The following NUAK1 variants were observed in gnomAD, a reference collection of about 807,000 sequenced individuals.
NUAK1 encodes NUAK family SNF1-like kinase 1.
In NUAK1, 26 loss-of-function variants were observed where a neutral mutation model predicts 56.9. The observed-to-expected ratio is 0.46, with a 90% CI of 0.33 to 0.63. The LOEUF is 0.63. Among genes scored for constraint, NUAK1 ranks in the 30% least tolerant of loss-of-function variants. NUAK1 has a pLI of 0.02. For synonymous variants in NUAK1, 337 were observed against 336.0 expected (o/e 1.00, Z -0.03); for missense variants, 727 against 876.1 (o/e 0.83, Z 2.15).
intron 2 of NUAK1, among the ~76,000 whole-genome samples, chr12:106,102,368 A>G (rs1301478208): frequency 6.6e-6 from 1 of 152,218 alleles, no homozygotes; most frequent in Admixed American, 6.5e-5. Context: ...ATGAAGATGA[A>G]AATGTTCTGC....
intron 4 of NUAK1, among the ~76,000 whole-genome samples, chr12:106,081,509 T>C (rs767634920): frequency 3.7e-4 from 56 of 152,240 alleles, no homozygotes; most frequent in Middle Eastern, 3.4e-3. Flanking sequence ...TTGATAATAC[T>C]GCTTTGTGTG....
intron 1 of NUAK1, among the ~76,000 whole-genome samples, chr12:106,107,503 C>T (rs1378965020): frequency 6.6e-6 from 1 of 152,188 alleles, no homozygotes; most frequent in Non-Finnish European, 1.5e-5. Context: ...CCCTTCCAGG[C>T]TGGTCCTCTT....
At chr12:106,098,617 T>C (rs1172586662) in intron 2 of NUAK1, among the ~76,000 whole-genome samples, 1 of 152,018 alleles carries the variant, frequency 6.6e-6, no homozygotes, top group African/African-American at 2.4e-5. Context: ...AGAGGAGAGA[T>C]TTCCAGAAAC....
At chr12:106,073,412 T>C (rs111973579) in intron 4 of NUAK1, among the ~76,000 whole-genome samples, 9 of 152,272 alleles carry the variant, frequency 5.9e-5, no homozygotes, top group African/African-American at 1.7e-4. Flanking sequence ...ACTCACAGCA[T>C]TGGGTTTTGA....
intron 4 of NUAK1, among the ~76,000 whole-genome samples, chr12:106,079,134 G>T (rs748887774): frequency 6.6e-6 from 1 of 152,204 alleles, no homozygotes; most frequent in African/African-American, 2.4e-5. Context: ...TCTGTAAAAT[G>T]ATGTAATCAC....
At chr12:106,101,734 T>C (rs1156440478) in intron 2 of NUAK1, among the ~76,000 whole-genome samples, 10 of 152,212 alleles carry the variant, frequency 6.6e-5, no homozygotes. Context: ...GAGCCTCAGT[T>C]TCCACAACTG....
chr12:106,067,377 T>C lies in NUAK1; in HGVS notation c.1411A>G (p.Thr471Ala), dbSNP rs766156436. 43 of 1,614,008 alleles carry C rather than the reference T, an allele frequency of 2.7e-5. No individual in the cohort carries two copies. The highest frequency in any genetic ancestry group is 5.3e-5 in the African/African-American group (4 of 74,884). ...TMPKKGILKK[T>A]QQRESGYYSS... is the part of the protein sequence containing the mutation. ...TAGTAACCTGATTCTCTCTGCTGGG[T>C]CTTTTTCAAGATGCCTTTCTTGGGC... Residue 471 changes from threonine to alanine, a missense_variant, in exon 7 of 7, where the codon ACC becomes GCC. Coordinates refer to ENST00000261402, the MANE Select transcript of NUAK1 (RefSeq NM_014840.3). This position sits in a 1 kb window ranked among gnomAD's most constrained non-coding sequence, Gnocchi z 6.0.
At chr12:106,073,710 C>T (rs529920778) in intron 4 of NUAK1, among the ~76,000 whole-genome samples, 26 of 152,022 alleles carry the variant, frequency 1.7e-4, no homozygotes, top group African/African-American at 4.3e-4. Flanking sequence ...CTCAGCTACT[C>T]GGGAGGCTGA....
chr12:106,101,676 C>T (rs183888242), intron 2 of NUAK1, among the ~76,000 whole-genome samples: 145 of 152,298 alleles, frequency 9.5e-4, no homozygotes, highest in Non-Finnish European at 1.7e-3. Flanking sequence ...TATTTTCTTA[C>T]GACAGCCCTA....
chr12:106,117,216 A>G (rs1448553612), intron 1 of NUAK1, among the ~76,000 whole-genome samples: 1 of 152,194 alleles, frequency 6.6e-6, no homozygotes, highest in African/African-American at 2.4e-5. Context: ...ACAACTCTAG[A>G]GCTAGCCCTG....
intron 6 of NUAK1, among the ~76,000 whole-genome samples, chr12:106,070,205 TAGG>T (rs1250432804): frequency 1.3e-5 from 2 of 152,126 alleles, no homozygotes; most frequent in Non-Finnish European, 2.9e-5. Flanking sequence ...CTTACAACTG[TAGG>T]AGAGGAAGGC....
At chr12:106,137,638 T>C (rs1029497795) in intron 1 of NUAK1, among the ~76,000 whole-genome samples, 4 of 152,238 alleles carry the variant, frequency 2.6e-5, no homozygotes, top group African/African-American at 9.6e-5. Context: ...GCCAGGACCC[T>C]GGCAGGGTGT....
Position 106,066,705 on chromosome 12 carries a change from G to A in NUAK1, c.*97C>T. On this transcript the variant is annotated 3_prime_UTR_variant, in exon 7 of 7. Transcript: ENST00000261402. ...GACAGTGCCAATCCTTTTTCAGTCT[G>A]TTGTCACAGCCAGCAAAGAGGTAAC... is the stretch of plus-strand genomic sequence containing the variant. The A allele has an allele frequency of 9.5e-7, 1 of 1,050,170 alleles. No homozygotes were observed. The highest frequency in any genetic ancestry group is 1.4e-6 in the Non-Finnish European group (1 of 716,318). The allele number at this position is 1,050,170 out of a possible 1,614,324, so 65.1% of individuals were successfully genotyped here.
At chr12:106,086,621 A>T in intron 3 of NUAK1, 113 bp downstream of exon 3, 1 of 1,022,278 alleles carries the variant, frequency 9.8e-7, no homozygotes, top group Non-Finnish European at 1.3e-6. Context: ...TCTAGTTCAT[A>T]AATTCTCCAT....
In NUAK1 at chr12:106,138,517, T is replaced by C; in HGVS notation, c.137A>G (p.His46Arg). Reference sequence around the variant, plus strand: ...GCGGTGCTTCAAGTTGTGCTTGTGGTGATGCCGCTTCACCCCGTGCGGCTT... The same window carrying C: ...GCGGTGCTTCAAGTTGTGCTTGTGGCGATGCCGCTTCACCCCGTGCGGCTT... ...PRKPHGVKRHHHKHNLKHRYE... is the reference protein window; with the variant it reads ...PRKPHGVKRHRHKHNLKHRYE... The change falls in exon 1 of 7, where the codon CAC becomes CGC. Residue 46 changes from histidine (H) to arginine (R), a missense_variant. Transcript: ENST00000261402. The surrounding 1 kb of genome is among the most constrained non-coding windows in gnomAD (Gnocchi z 5.0). 6.2e-7 allele frequency: 1 copy of C among 1,613,190 alleles called. No individual in the cohort carries two copies. Among genetic ancestry groups the C allele is most frequent in the Non-Finnish European group, 8.5e-7 (1 of 1,179,786 alleles).
At chr12:106,089,494 A>C (rs1228530139) in intron 2 of NUAK1, among the ~76,000 whole-genome samples, 1 of 152,224 alleles carries the variant, frequency 6.6e-6, no homozygotes, top group Non-Finnish European at 1.5e-5. Flanking sequence ...CTGTCTCTAC[A>C]ATATATCCCG....
chr12:106,086,532 C>T (rs914970989), intron 3 of NUAK1, among the ~76,000 whole-genome samples: 1 of 152,120 alleles, frequency 6.6e-6, no homozygotes, highest in Non-Finnish European at 1.5e-5. Flanking sequence ...AGGAAGAAGA[C>T]TGAAAGGAAA....
chr12:106,089,520 G>A (rs548313700), intron 2 of NUAK1, among the ~76,000 whole-genome samples: 3 of 152,316 alleles, frequency 2.0e-5, no homozygotes, highest in South Asian at 2.1e-4. Flanking sequence ...GGCCAGGTAC[G>A]GTGGCTCACG....
At chr12:106,083,962 G>A (rs1391725827) in intron 3 of NUAK1, 33 bp from the exon 4 acceptor site, 1 of 1,567,800 alleles carries the variant, frequency 6.4e-7, no homozygotes, top group Admixed American at 1.7e-5. Flanking sequence ...GAATTGAATG[G>A]GAGCGGCTGG....
Sources: allele counts gnomAD v4.1 joint callset (sites outside exome capture counted in the v4.1 genomes callset), GRCh38; gene constraint gnomAD v4.1.1; non-coding constraint Gnocchi (gnomAD v3.1); transcripts MANE v1.5; gene names NCBI Gene and HGNC (gene_info 2026-07-23, HGNC 2026-07-21).